The following GRM1 variants were observed in gnomAD, a reference collection of about 807,000 sequenced individuals.
The protein encoded by GRM1 is metabotropic glutamate receptor 1.
Under a neutral mutation model 90.9 loss-of-function variants are expected in GRM1, and 33 were observed. That is an observed-to-expected ratio of 0.36 (90% confidence interval 0.28 to 0.49). The LOEUF is 0.49. GRM1 is among the 20% of genes least tolerant of loss of function. The probability of loss-of-function intolerance (pLI) is 0.99; values close to 1 mark genes in which losing one functional copy is unlikely to be tolerated. For synonymous variants in GRM1, 700 were observed against 613.2 expected (o/e 1.14, Z -2.09); for missense variants, 1,190 against 1,534.3 (o/e 0.78, Z 3.75).
In GRM1 at chr6:146,435,860, T is replaced by C. The variant is rs1778579777; in HGVS notation, c.*1064T>C. ...ACAAGTTGAACTTCTAAGATGCGTATATGTACAATTTGGTGCCATTATTTC... is the reference window on the plus strand; with the variant it reads ...ACAAGTTGAACTTCTAAGATGCGTACATGTACAATTTGGTGCCATTATTTC... On this transcript the variant is annotated 3_prime_UTR_variant, in exon 8 of 8. Transcript: ENST00000282753. 6.6e-6 allele frequency: 1 copy of C among 152,654 alleles called. No individual in the cohort carries two copies. Among genetic ancestry groups the C allele is most frequent in the Non-Finnish European group, 1.5e-5 (1 of 68,038 alleles). The allele number at this position is 152,654 out of a possible 1,614,324, so 9.5% of individuals were successfully genotyped here. A position where few individuals can be genotyped will look rare whatever the true frequency, so the allele number is the denominator to read the frequency against.
At chr6:146,118,434 C>T (rs896344821) in intron 1 of GRM1, among the ~76,000 whole-genome samples, 8 of 152,050 alleles carry the variant, frequency 5.3e-5, no homozygotes, top group African/African-American at 1.4e-4. Context: ...CCACTGTGCC[C>T]GGCCTATTTA....
At chr6:146,139,671 C>A (rs1776762003) in intron 1 of GRM1, among the ~76,000 whole-genome samples, 1 of 151,878 alleles carries the variant, frequency 6.6e-6, no homozygotes, top group Non-Finnish European at 1.5e-5. Flanking sequence ...GTTTTTCATT[C>A]CTTTATTTTT....
chr6:146,199,404 T>C (rs1779224268), intron 2 of GRM1, among the ~76,000 whole-genome samples: 1 of 152,190 alleles, frequency 6.6e-6, no homozygotes, highest in Non-Finnish European at 1.5e-5. Flanking sequence ...GGATAGTAAA[T>C]TCTGTGGACC....
At chr6:146,266,371 T>C (rs188205759) in intron 2 of GRM1, among the ~76,000 whole-genome samples, 2 of 152,324 alleles carry the variant, frequency 1.3e-5, no homozygotes, top group East Asian at 3.9e-4. Flanking sequence ...AGTTTTAGTT[T>C]TCTTAATACC....
At chr6:146,159,749 T>TG in intron 2 of GRM1, 152 bp downstream of exon 2, 1 of 673,600 alleles carries the variant, frequency 1.5e-6, no homozygotes, top group Non-Finnish European at 2.5e-6. Flanking sequence ...AGCTGAACAT[T>TG]AGTTCTGGAT....
At chr6:146,096,919 A>G (rs1303696826) in intron 1 of GRM1, among the ~76,000 whole-genome samples, 1 of 152,206 alleles carries the variant, frequency 6.6e-6, no homozygotes, top group South Asian at 2.1e-4. Context: ...CACTCTGTGA[A>G]TTTACTTTTT....
rs75257765 is a variant in GRM1 at position 146,258,504 on chromosome 6, T to G, written c.951-46107T>G. Reference sequence around the variant, plus strand: ...CTCCTTGATATCTTGCCCTCTTTTGTTCCTATGTATTTTATTTTATTCACC... The same window carrying G: ...CTCCTTGATATCTTGCCCTCTTTTGGTCCTATGTATTTTATTTTATTCACC... On this transcript the variant is annotated intron_variant, in intron 2 of 7. Transcript: ENST00000282753. Among the ~76,000 whole-genome samples, 584 of 152,228 alleles carry G rather than the reference T, an allele frequency of 3.8e-3. 4 individuals are homozygous for G. The highest frequency in any genetic ancestry group is 0.013 in the African/African-American group (553 of 41,548).
intron 1 of GRM1, among the ~76,000 whole-genome samples, chr6:146,136,884 G>A (rs942260819): frequency 4.9e-5 from 5 of 102,638 alleles, no homozygotes; most frequent in Non-Finnish European, 8.9e-5. Context: ...ACAGAGCCTT[G>A]CTCTGTCACC....
At chr6:146,111,548 G>A (rs967281133) in intron 1 of GRM1, among the ~76,000 whole-genome samples, 1 of 152,194 alleles carries the variant, frequency 6.6e-6, no homozygotes, top group Non-Finnish European at 1.5e-5. Context: ...GTTGTAGAAG[G>A]CCTCTCTTTG....
At chr6:146,043,182 C>T (rs908632467) in intron 1 of GRM1, among the ~76,000 whole-genome samples, 1 of 151,794 alleles carries the variant, frequency 6.6e-6, no homozygotes, top group African/African-American at 2.4e-5. Context: ...GTAGGAGGCA[C>T]CTGTAGGTGG....
upstream of GRM1, among the ~76,000 whole-genome samples, chr6:146,028,514 C>T (rs854145): frequency 0.4 from 60,987 of 151,266 alleles, 12,549 homozygotes; most frequent in Middle Eastern, 0.51. Context: ...CAGGACCCCC[C>T]CTAACCCGTC....
At chr6:146,119,759 G>A (rs924491417) in intron 1 of GRM1, among the ~76,000 whole-genome samples, 7 of 152,042 alleles carry the variant, frequency 4.6e-5, no homozygotes, top group Non-Finnish European at 5.9e-5. Context: ...GTAGATATGC[G>A]GCATTATTTC....
In GRM1 at chr6:146,029,711, G is replaced by A. The variant is rs1414529543; in HGVS notation, c.194G>A (p.Arg65Lys). Residue 65 changes from arginine (R) to lysine (K), a missense_variant, in exon 1 of 8, where the codon AGG becomes AAG. By Grantham distance (26) the Arg-to-Lys change is conservative. Transcript: ENST00000282753. The part of the protein sequence containing the change: ...HQPPAEKVPE[R>K]KCGEIREQYG... ...CCTCCGGCCGAGAAAGTGCCCGAGA[G>A]GAAGTGTGGGGAGATCAGGGAGCAG... The A allele has an allele frequency of 6.2e-7, 1 of 1,613,996 alleles. No individual in the cohort carries two copies. The highest frequency in any genetic ancestry group is 8.5e-7 in the Non-Finnish European group (1 of 1,180,040).
At chr6:146,403,142 TA>T (rs1210059765) in intron 7 of GRM1, among the ~76,000 whole-genome samples, 1 of 152,160 alleles carries the variant, frequency 6.6e-6, no homozygotes, top group African/African-American at 2.4e-5. Flanking sequence ...GGAAGTAAAT[TA>T]ATTAGATCCA....
chr6:146,434,936 A>ACTG lies in GRM1; in HGVS notation c.*151_*153dup. 1 of 755,726 alleles carries ACTG rather than the reference A, an allele frequency of 1.3e-6. No homozygotes were observed. The highest frequency in any genetic ancestry group is 2.7e-5 in the East Asian group (1 of 37,652). The allele number at this position is 755,726 out of a possible 1,614,324, so 46.8% of individuals were successfully genotyped here. ...GGAGACCGCTGCTGCTGCTGCCGCT[A>ACTG]CTGCTGCTGCTGCCTTAAGTAGGAA... On this transcript the variant is annotated 3_prime_UTR_variant, in exon 8 of 8. Transcript: ENST00000282753.
At chr6:146,241,396 A>G (rs1780854799) in intron 2 of GRM1, among the ~76,000 whole-genome samples, 1 of 152,184 alleles carries the variant, frequency 6.6e-6, no homozygotes, top group African/African-American at 2.4e-5. Flanking sequence ...AAGGAATCAG[A>G]AATGAAACAT....
chr6:146,426,148 C>T lies in GRM1; in HGVS notation c.2661-7724C>T, dbSNP rs77785919. On this transcript the variant is annotated intron_variant, in intron 7 of 7. Coordinates refer to ENST00000282753, the MANE Select transcript of GRM1 (RefSeq NM_001278064.2). ...ATAATATGCAGGAAAATTAACAGTG[C>T]AATTAAAAGTCACAGTGTCAGACAT... 5.3e-4 allele frequency among the ~76,000 whole-genome samples: 81 copies of T among 152,232 alleles called. 1 individual carries two copies. The East Asian group carries it at 0.012, about 22-fold the overall frequency.
intron 7 of GRM1, among the ~76,000 whole-genome samples, chr6:146,432,295 T>G (rs561027363): frequency 1.3e-5 from 2 of 152,384 alleles, no homozygotes; most frequent in African/African-American, 2.4e-5. Flanking sequence ...TTATCTATTT[T>G]AGAGCCTTTA....
At chr6:146,128,416 G>A (rs1230234704) in intron 1 of GRM1, among the ~76,000 whole-genome samples, 4 of 152,104 alleles carry the variant, frequency 2.6e-5, no homozygotes. Context: ...ACACTCTGAG[G>A]TAGGTACTGC....
Sources: allele counts gnomAD v4.1 joint callset (sites outside exome capture counted in the v4.1 genomes callset), GRCh38; gene constraint gnomAD v4.1.1; transcripts MANE v1.5; gene names NCBI Gene and HGNC (gene_info 2026-07-23, HGNC 2026-07-21).